SLC2A4: variants seen among roughly 807,000 people sequenced by gnomAD.
SLC2A4 encodes solute carrier family 2, facilitated glucose transporter member 4.
SLC2A4 carries 31 observed loss-of-function variants against 53.3 expected under a neutral mutation model. That is an observed-to-expected ratio of 0.58 (90% CI 0.44 to 0.78). The LOEUF (loss-of-function observed/expected upper bound fraction) is 0.78, where lower values mean the gene tolerates loss of function less well. Ranked by LOEUF, SLC2A4 falls within the 30% of genes least tolerant of loss-of-function variation. The pLI is 0.00. For missense variants in SLC2A4, 538 were observed against 655.7 expected, an observed-to-expected ratio of 0.82 and a Z score of 1.96; for synonymous variants, 276 against 281.9, an observed-to-expected ratio of 0.98 and a Z score of 0.21.
Position 7,287,096 on chromosome 17 carries a change from G to C in SLC2A4, c.*467G>C. ...GGGACTTTCACTGAATTCTTGCCAC[G>C]CAGACTCTGGGCAAAGGGGTTTTTT... is the stretch of plus-strand genomic sequence containing the variant. On this transcript the variant is annotated 3_prime_UTR_variant, in exon 11 of 11. Transcript: ENST00000317370. The C allele has an allele frequency of 6.2e-6, 1 of 160,042 alleles. No individual in the cohort carries two copies. Among genetic ancestry groups the C allele is most frequent in the Non-Finnish European group, 1.3e-5 (1 of 74,514 alleles). The allele number at this position is 160,042 out of a possible 1,614,324, so 9.9% of individuals were successfully genotyped here. A position where few individuals can be genotyped will look rare whatever the true frequency, so the allele number is the denominator to read the frequency against.
chr17:7,283,613 C>T lies in SLC2A4; in HGVS notation c.291C>T (p.Phe97=), dbSNP rs760604292. 3.1e-6 allele frequency: 5 copies of T among 1,613,904 alleles called. No individual in the cohort carries two copies. The African/African-American group carries it at 6.7e-5, about 22-fold the overall frequency. ...IFSVGGMISS[F]LIGIISQWLG... is the part of the protein sequence containing the mutation. ...CCGTGGGCGGCATGATTTCCTCCTT[C>T]CTCATTGGTATCATCTCTCAGTGGC... The change falls in exon 3 of 11, where the codon TTC becomes TTT. Residue 97 remains phenylalanine (F), a synonymous_variant. Transcript: ENST00000317370. This position sits in a 1 kb window ranked among gnomAD's most constrained non-coding sequence, Gnocchi z 5.8.
Position 7,285,014 on chromosome 17 carries a change from T to C in SLC2A4, c.1021-74T>C, listed in dbSNP as rs1429882096. 6.2e-7 allele frequency: 1 copy of C among 1,613,856 alleles called. No homozygotes were observed. On this transcript the variant is annotated intron_variant, in intron 8 of 10. Coordinates refer to ENST00000317370, the MANE Select transcript of SLC2A4 (RefSeq NM_001042.3). This position sits in a 1 kb window ranked among gnomAD's most constrained non-coding sequence, Gnocchi z 6.0. Reference sequence around the variant, plus strand: ...GGTGTCCCGGAGGTCCTGCTCTTGGTTGCCCTCACCCACGCGGCCCCTCCT... The same window carrying C: ...GGTGTCCCGGAGGTCCTGCTCTTGGCTGCCCTCACCCACGCGGCCCCTCCT...
At position 7,283,931 on chromosome 17, in the gene SLC2A4, G is replaced by A. The variant is rs773341733; in HGVS notation, c.449-43G>A. 2 of 1,613,778 alleles carry A rather than the reference G, an allele frequency of 1.2e-6. No individual in the cohort carries two copies. Among genetic ancestry groups the A allele is most frequent in the Admixed American group, 1.7e-5 (1 of 60,028 alleles). ...TCACCATGCCTGGGCTTTCAGATGG[G>A]AATGGACACCTGCCCTCAGCCCTCT... On this transcript the variant is annotated intron_variant, in intron 4 of 10. Transcript: ENST00000317370. This position sits in a 1 kb window ranked among gnomAD's most constrained non-coding sequence, Gnocchi z 5.8.
At position 7,284,134 on chromosome 17, in the gene SLC2A4, G is replaced by A; in HGVS notation, c.564+45G>A. ...TGGGTGCCTGGGCAGTGGTTAGAGT[G>A]GGGCTCTGGAGAATATGGTGGGCTT... On this transcript the variant is annotated intron_variant, in intron 5 of 10. Transcript: ENST00000317370. The surrounding 1 kb of genome is among the most constrained non-coding windows in gnomAD (Gnocchi z 7.5). 6.2e-7 allele frequency: 1 copy of A among 1,610,436 alleles called. No individual in the cohort carries two copies.
rs1468475195 is a variant in SLC2A4, at chr17:7,282,406, G to A, written c.33+439G>A. 1 of 460,120 alleles carries A rather than the reference G, an allele frequency of 2.2e-6. No homozygotes were observed. Among genetic ancestry groups the A allele is most frequent in the Non-Finnish European group, 4.4e-6 (1 of 229,638 alleles). 28.5% of individuals were successfully genotyped at this position (460,120 alleles called of 1,614,324 possible). A position where few individuals can be genotyped will look rare whatever the true frequency, so the allele number is the denominator to read the frequency against. On this transcript the variant is annotated intron_variant, in intron 1 of 10. Coordinates refer to ENST00000317370, the MANE Select transcript of SLC2A4 (RefSeq NM_001042.3). This position sits in a 1 kb window ranked among gnomAD's most constrained non-coding sequence, Gnocchi z 4.1. ...CCCACTCCTGGCCGCCCTCCAGGAC[G>A]CTGAACTTTCCCTTGGCCCCATGGT...
Position 7,282,482 on chromosome 17 carries a change from T to TCCGCTTGGAGACAGTCTGTG in SLC2A4, c.33+520_33+539dup, listed in dbSNP as rs2072411066. The TCCGCTTGGAGACAGTCTGTG allele has an allele frequency of 2.2e-6, 1 of 446,290 alleles. No individual in the cohort carries two copies. Among genetic ancestry groups the TCCGCTTGGAGACAGTCTGTG allele is most frequent in the East Asian group, 7.0e-5 (1 of 14,290 alleles). The allele number at this position is 446,290 out of a possible 1,614,324, so 27.6% of individuals were successfully genotyped here. ...AGCCCCCCCTCCTCCAGCTCAGGTT[T>TCCGCTTGGAGACAGTCTGTG]CCGCTTGGAGACAGTCTGTGCCGCC... is the stretch of plus-strand genomic sequence containing the variant. On this transcript the variant is annotated intron_variant, in intron 1 of 10. Transcript: ENST00000317370. This position sits in a 1 kb window ranked among gnomAD's most constrained non-coding sequence, Gnocchi z 4.1.
At position 7,284,480 on chromosome 17, in the gene SLC2A4, T is replaced by G; in HGVS notation, c.728-5T>G. 6.2e-7 allele frequency: 1 copy of G among 1,614,216 alleles called. No individual in the cohort carries two copies. The highest frequency in any genetic ancestry group is 2.2e-5 in the East Asian group (1 of 44,888). ...TCCCCTCAGGCCTGACCTTCCCTTC[T>G]CCAGGTCTGAAGCGCCTGACAGGCT... On this transcript the variant is annotated splice_region_variant and splice_polypyrimidine_tract_variant and intron_variant, in intron 6 of 10. Transcript: ENST00000317370. This position sits in a 1 kb window ranked among gnomAD's most constrained non-coding sequence, Gnocchi z 7.5.
At chr17:7,286,050 G>C in intron 10 of SLC2A4, 142 bp downstream of exon 10, 2 of 740,400 alleles carry the variant, frequency 2.7e-6, no homozygotes, top group Non-Finnish European at 4.4e-6. Flanking sequence ...CTGCTCCACA[G>C]AATCAAAGCA....
In SLC2A4 at chr17:7,284,064, T is replaced by C. The variant is rs2072427099; in HGVS notation, c.539T>C (p.Ile180Thr). ...GALGTLNQLA[I>T]VIGILIAQVL... is the part of the protein sequence containing the mutation. ...CTGGGGACGCTCAACCAACTGGCCA[T>C]TGTTATCGGCATTCTGATCGCCCAG... Residue 180 changes from isoleucine (I) to threonine (T), a missense_variant, in exon 5 of 11, where the codon ATT (isoleucine) becomes ACT (threonine). Ile to Thr is a moderately conservative substitution (Grantham distance 89). Coordinates refer to ENST00000317370, the MANE Select transcript of SLC2A4 (RefSeq NM_001042.3). The surrounding 1 kb of genome is among the most constrained non-coding windows in gnomAD (Gnocchi z 7.5). The C allele has an allele frequency of 6.2e-7, 1 of 1,613,664 alleles. No individual in the cohort carries two copies. Among genetic ancestry groups the C allele is most frequent in the East Asian group, 2.2e-5 (1 of 44,862 alleles).
chr17:7,284,957 G>C lies in SLC2A4; in HGVS notation c.1020+18G>C, dbSNP rs761524084. 2.5e-6 allele frequency: 4 copies of C among 1,613,982 alleles called. No individual in the cohort carries two copies. The highest frequency in any genetic ancestry group is 1.6e-4 in the Middle Eastern group (1 of 6,062). Reference sequence around the variant, plus strand: ...TGGTCTCGGTAACTGCTCACCTCTGGAATGGCCCGAGCCACTGGCTTCACC... The same window carrying C: ...TGGTCTCGGTAACTGCTCACCTCTGCAATGGCCCGAGCCACTGGCTTCACC... On this transcript the variant is annotated intron_variant, in intron 8 of 10. Coordinates refer to ENST00000317370, the MANE Select transcript of SLC2A4 (RefSeq NM_001042.3). The surrounding 1 kb of genome is among the most constrained non-coding windows in gnomAD (Gnocchi z 7.5).
rs2072413418 is a variant in SLC2A4 at position 7,282,751 on chromosome 17, G to A, written c.34-494G>A. Among the ~76,000 whole-genome samples, 1 of 152,244 alleles carries A rather than the reference G, an allele frequency of 6.6e-6. No homozygotes were observed. The highest frequency in any genetic ancestry group is 2.4e-5 in the African/African-American group (1 of 41,472). ...GCTGACAGAACCCCCAGAGGGGAGGGAAGAGGACAGTGGCTGATGATAATA... is the reference window on the plus strand; with the variant it reads ...GCTGACAGAACCCCCAGAGGGGAGGAAAGAGGACAGTGGCTGATGATAATA... On this transcript the variant is annotated intron_variant, in intron 1 of 10. Transcript: ENST00000317370. The surrounding 1 kb of genome is among the most constrained non-coding windows in gnomAD (Gnocchi z 4.1).
Position 7,285,765 on chromosome 17 carries a change from T to G in SLC2A4, c.1183T>G (p.Phe395Val). The G allele has an allele frequency of 6.2e-7, 1 of 1,614,204 alleles. No homozygotes were observed. Among genetic ancestry groups the G allele is most frequent in the Non-Finnish European group, 8.5e-7 (1 of 1,180,040 alleles). The change falls in exon 10 of 11, where the codon TTT becomes GTT. Residue 395 changes from phenylalanine (F) to valine (V), a missense_variant. Phe to Val is a conservative substitution (Grantham distance 50). Transcript: ENST00000317370. The surrounding 1 kb of genome is among the most constrained non-coding windows in gnomAD (Gnocchi z 6.0). ...GGCCATCTTTGGCTTCGTGGCATTT[T>G]TTGAGATTGGCCCTGGCCCCATTCC... ...IVAIFGFVAF[F>V]EIGPGPIPWF...
chr17:7,284,764 G>A lies in SLC2A4; in HGVS notation c.916-71G>A. 6.2e-7 allele frequency: 1 copy of A among 1,607,870 alleles called. No homozygotes were observed. Among genetic ancestry groups the A allele is most frequent in the Non-Finnish European group, 8.5e-7 (1 of 1,174,288 alleles). On this transcript the variant is annotated intron_variant, in intron 7 of 10. Transcript: ENST00000317370. The surrounding 1 kb of genome is among the most constrained non-coding windows in gnomAD (Gnocchi z 7.5). ...CCCCTCCACCAACACCCAGGGTAGGGCCAGCCTGTTGTGGCTGGAGTAGAG... is the reference window on the plus strand; with the variant it reads ...CCCCTCCACCAACACCCAGGGTAGGACCAGCCTGTTGTGGCTGGAGTAGAG...
At position 7,285,449 on chromosome 17, in the gene SLC2A4, T is replaced by C. The variant is rs2072441761; in HGVS notation, c.1123-256T>C. Among the ~76,000 whole-genome samples, 1 of 152,180 alleles carries C rather than the reference T, an allele frequency of 6.6e-6. No homozygotes were observed. The highest frequency in any genetic ancestry group is 1.9e-4 in the East Asian group (1 of 5,180). On this transcript the variant is annotated intron_variant, in intron 9 of 10. Transcript: ENST00000317370. This position sits in a 1 kb window ranked among gnomAD's most constrained non-coding sequence, Gnocchi z 6.0. The stretch of plus-strand genomic sequence containing the variant: ...AGCCCCTGTCAAGCCTCAGGAACAA[T>C]CATTCCTAAGGACCCAGCTTTAGAG...
At position 7,284,844 on chromosome 17, in the gene SLC2A4, T is replaced by G; in HGVS notation, c.925T>G (p.Tyr309Asp). 6.2e-7 allele frequency: 1 copy of G among 1,614,182 alleles called. No homozygotes were observed. Among genetic ancestry groups the G allele is most frequent in the Non-Finnish European group, 8.5e-7 (1 of 1,180,018 alleles). Residue 309 changes from tyrosine to aspartate, a missense_variant, in exon 8 of 11, where the codon TAT (tyrosine) becomes GAT (aspartate). Physicochemically the swap from Tyr to Asp is radical, Grantham distance 160 (BLOSUM62 -3). Coordinates refer to ENST00000317370, the MANE Select transcript of SLC2A4 (RefSeq NM_001042.3). This position sits in a 1 kb window ranked among gnomAD's most constrained non-coding sequence, Gnocchi z 7.5. ...QLSGINAVFY[Y>D]STSIFETAGV... ...TCTCCCCCACCTCTAGGTTTTCTAT[T>G]ATTCGACCAGCATCTTCGAGACAGC...
chr17:7,282,368 G>A lies in SLC2A4; in HGVS notation c.33+401G>A. 2.1e-6 allele frequency: 1 copy of A among 467,192 alleles called. No individual in the cohort carries two copies. Among genetic ancestry groups the A allele is most frequent in the Non-Finnish European group, 4.3e-6 (1 of 234,520 alleles). 28.9% of individuals were successfully genotyped at this position (467,192 alleles called of 1,614,324 possible). A position where few individuals can be genotyped will look rare whatever the true frequency, so the allele number is the denominator to read the frequency against. On this transcript the variant is annotated intron_variant, in intron 1 of 10. Transcript: ENST00000317370. The surrounding 1 kb of genome is among the most constrained non-coding windows in gnomAD (Gnocchi z 4.1). ...GTGTTTCGAGGACCGGAGGCTCTCC[G>A]TGGGCCCCCACCCCCACTCCTGGCC...
Position 7,282,065 on chromosome 17 carries a change from A to C in SLC2A4, c.33+98A>C. On this transcript the variant is annotated intron_variant, in intron 1 of 10. Coordinates refer to ENST00000317370, the MANE Select transcript of SLC2A4 (RefSeq NM_001042.3). The surrounding 1 kb of genome is among the most constrained non-coding windows in gnomAD (Gnocchi z 4.1). ...GGTCAGCTGGGGGTGGTTCCTGCGC[A>C]GGCGCAGGGGGTGAAGGTAGGGGGC... 2 of 990,366 alleles carry C rather than the reference A, an allele frequency of 2.0e-6. No homozygotes were observed. Among genetic ancestry groups the C allele is most frequent in the Non-Finnish European group, 3.1e-6 (2 of 638,528 alleles). 61.3% of individuals were successfully genotyped at this position (990,366 alleles called of 1,614,324 possible).
chr17:7,284,289 G>A lies in SLC2A4; in HGVS notation c.637G>A (p.Ala213Thr). Residue 213 changes from alanine to threonine, a missense_variant, in exon 6 of 11, where the codon GCC becomes ACC. Coordinates refer to ENST00000317370, the MANE Select transcript of SLC2A4 (RefSeq NM_001042.3). This position sits in a 1 kb window ranked among gnomAD's most constrained non-coding sequence, Gnocchi z 7.5. ...GCTCCTGGGCCTCACAGTGCTACCT[G>A]CCCTCCTGCAGCTGGTCCTGCTGCC... ...PLLLGLTVLP[A>T]LLQLVLLPFC... 6.2e-7 allele frequency: 1 copy of A among 1,614,044 alleles called. No individual in the cohort carries two copies. The highest frequency in any genetic ancestry group is 8.5e-7 in the Non-Finnish European group (1 of 1,180,024).
Position 7,282,574 on chromosome 17 carries a change from C to T in SLC2A4, c.33+607C>T, listed in dbSNP as rs1377876490. ...CTGCCCTCCTCCCCTGGGCATGGCT[C>T]TCCCAGGCAGAACCCCTGGACGGCC... On this transcript the variant is annotated intron_variant, in intron 1 of 10. Coordinates refer to ENST00000317370, the MANE Select transcript of SLC2A4 (RefSeq NM_001042.3). This position sits in a 1 kb window ranked among gnomAD's most constrained non-coding sequence, Gnocchi z 4.1. The T allele has an allele frequency of 2.7e-6, 1 of 369,990 alleles. No individual in the cohort carries two copies. The highest frequency in any genetic ancestry group is 5.4e-6 in the Non-Finnish European group (1 of 185,536). 22.9% of individuals were successfully genotyped at this position (369,990 alleles called of 1,614,324 possible).
Sources: allele counts gnomAD v4.1 joint callset (sites outside exome capture counted in the v4.1 genomes callset), GRCh38; gene constraint gnomAD v4.1.1; non-coding constraint Gnocchi (gnomAD v3.1); transcripts MANE v1.5; gene names NCBI Gene and HGNC (gene_info 2026-07-23, HGNC 2026-07-21).